The following KIF13A variants were observed in gnomAD, a reference collection of about 807,000 sequenced individuals.
The protein encoded by KIF13A is kinesin family member 13A.
Under a neutral mutation model 212.2 loss-of-function variants are expected in KIF13A, and 79 were observed. The observed-to-expected ratio is 0.37, with a 90% CI of 0.31 to 0.45. The LOEUF is 0.45. Among genes scored for constraint, KIF13A ranks in the 20% least tolerant of loss-of-function variants. The probability of loss-of-function intolerance (pLI) is 1.00; values close to 1 mark genes in which losing one functional copy is unlikely to be tolerated. For synonymous variants in KIF13A, 789 were observed against 808.6 expected (o/e 0.98, Z 0.41); for missense variants, 1,901 against 2,209.0 (o/e 0.86, Z 2.79).
chr6:17,950,424 T>C (rs1380621682), intron 2 of KIF13A: 1 of 977,754 alleles, frequency 1.0e-6, no homozygotes, highest in Non-Finnish European at 1.2e-6. Flanking sequence ...GAAAATGATT[T>C]ATTAATGGAT....
chr6:17,839,705 TAAG>T lies in KIF13A; in HGVS notation c.831-2125_831-2123del, dbSNP rs1246464602. ...CCTAATCTAATGAGTGATGTCCTTA[TAAG>T]AAGGTCATATAAAGACACCCAGGGG... On this transcript the variant is annotated intron_variant, in intron 9 of 38. Coordinates refer to ENST00000259711, the MANE Select transcript of KIF13A (RefSeq NM_022113.6). The surrounding 1 kb of genome is among the most constrained non-coding windows in gnomAD (Gnocchi z 4.3). 1.3e-5 allele frequency among the ~76,000 whole-genome samples: 2 copies of T among 152,044 alleles called. No individual in the cohort carries two copies. Among genetic ancestry groups the T allele is most frequent in the East Asian group, 1.9e-4 (1 of 5,178 alleles).
chr6:17,764,566 T>C lies in KIF13A; in HGVS notation c.4962A>G (p.Glu1654=). ...FRPSSNKELT[E]VEKGLVKDKI... Reference sequence around the variant, plus strand: ...TGTCCTTTACCAAGCCTTTTTCGACTTCTGTCAACTCTTTGTTTGAGGACG... The same window carrying C: ...TGTCCTTTACCAAGCCTTTTTCGACCTCTGTCAACTCTTTGTTTGAGGACG... Residue 1654 remains glutamate (E), a synonymous_variant, in exon 39 of 39, where the codon GAA becomes GAG. Coordinates refer to ENST00000259711, the MANE Select transcript of KIF13A (RefSeq NM_022113.6). The surrounding 1 kb of genome is among the most constrained non-coding windows in gnomAD (Gnocchi z 5.1). The C allele has an allele frequency of 6.2e-7, 1 of 1,613,988 alleles. No individual in the cohort carries two copies. The highest frequency in any genetic ancestry group is 8.5e-7 in the Non-Finnish European group (1 of 1,179,876).
chr6:17,813,492 T>G (rs1358397484), intron 17 of KIF13A, among the ~76,000 whole-genome samples: 1 of 151,992 alleles, frequency 6.6e-6, no homozygotes, highest in African/African-American at 2.4e-5. Flanking sequence ...AAACTCCATC[T>G]CAGAAAAAAG....
At chr6:17,917,776 T>C (rs1185510919) in intron 2 of KIF13A, among the ~76,000 whole-genome samples, 2 of 152,224 alleles carry the variant, frequency 1.3e-5, no homozygotes, top group Non-Finnish European at 2.9e-5. Flanking sequence ...CTTAAAATCC[T>C]GCAACAATGC....
Position 17,971,914 on chromosome 6 carries a change from TA to T in KIF13A, c.146+15139del, listed in dbSNP as rs1408204178. On this transcript the variant is annotated intron_variant, in intron 2 of 38. Coordinates refer to ENST00000259711, the MANE Select transcript of KIF13A (RefSeq NM_022113.6). The surrounding 1 kb of genome is among the most constrained non-coding windows in gnomAD (Gnocchi z 4.2). Reference sequence around the variant, plus strand: ...TAAATAATAATCTAGCTAGAGAGCTTAAAAAAAATGTCCCTAGGATTACAGT... The same window carrying T: ...TAAATAATAATCTAGCTAGAGAGCTTAAAAAAATGTCCCTAGGATTACAGT... Among the ~76,000 whole-genome samples the T allele has an allele frequency of 6.6e-6, 1 of 151,884 alleles. No homozygotes were observed. The highest frequency in any genetic ancestry group is 2.1e-4 in the South Asian group (1 of 4,822).
At chr6:17,950,785 A>G (rs925727356) in intron 2 of KIF13A, 1 of 979,046 alleles carries the variant, frequency 1.0e-6, no homozygotes, top group African/African-American at 1.8e-5. Context: ...AAAAATCTCT[A>G]ATTACTAAAG....
rs769774239 is a variant in KIF13A at position 17,856,075 on chromosome 6, C to T, written c.268G>A (p.Ala90Thr). The change falls in exon 5 of 39, where the codon GCC becomes ACC. Residue 90 changes from alanine (A) to threonine (T), a missense_variant. Physicochemically the swap from Ala to Thr is moderately conservative, Grantham distance 58 (BLOSUM62 0). Transcript: ENST00000259711. The surrounding 1 kb of genome is among the most constrained non-coding windows in gnomAD (Gnocchi z 4.5). Reference sequence around the variant, plus strand: ...ATACACGCATTATACCCCTGAAAGGCTTTTTCAAGAATTCCTTCCCCAAGG... The same window carrying T: ...ATACACGCATTATACCCCTGAAAGGTTTTTTCAAGAATTCCTTCCCCAAGG... ...KCLGEGILEK[A>T]FQGYNACIFA... is the part of the protein sequence containing the mutation. 6 of 1,613,610 alleles carry T rather than the reference C, an allele frequency of 3.7e-6. No individual in the cohort carries two copies. The highest frequency in any genetic ancestry group is 1.6e-4 in the Middle Eastern group (1 of 6,084).
intron 3 of KIF13A, among the ~76,000 whole-genome samples, chr6:17,884,411 ATACTT>A (rs1771356133): frequency 6.6e-6 from 1 of 152,202 alleles, no homozygotes; most frequent in Non-Finnish European, 1.5e-5. Flanking sequence ...ACCAACCTAA[ATACTT>A]TATATTCTCA....
intron 12 of KIF13A, 63 bp downstream of exon 12, chr6:17,833,898 T>C (rs1360361234): frequency 1.2e-5 from 7 of 588,004 alleles, no homozygotes; most frequent in Non-Finnish European, 1.9e-5. Context: ...GACAGCAAAC[T>C]ACACAGAAAA....
chr6:17,936,918 C>T (rs1413035356), intron 2 of KIF13A, among the ~76,000 whole-genome samples: 4 of 152,170 alleles, frequency 2.6e-5, no homozygotes, highest in Admixed American at 1.3e-4. Context: ...TGGCTCACAC[C>T]TATAATCCCA....
rs758205572 is a variant in KIF13A at position 17,804,453 on chromosome 6, T to C, written c.2362A>G (p.Asn788Asp). The part of the protein sequence containing the change: ...DPFYEAQENH[N>D]LIGVANVFLE... ...AATACATTCGCCACCCCGATGAGGTTGTGATTTTCTTGGGCTTCATAGAAA... is the reference window on the plus strand; with the variant it reads ...AATACATTCGCCACCCCGATGAGGTCGTGATTTTCTTGGGCTTCATAGAAA... The change falls in exon 20 of 39, where the codon AAC (asparagine) becomes GAC (aspartate). Residue 788 changes from asparagine (N) to aspartate (D), a missense_variant. This residue lies in a region of KIF13A where 534 missense variants were observed against 536.9 expected (regional missense o/e 0.99). Transcript: ENST00000259711. 10 of 1,588,304 alleles carry C rather than the reference T, an allele frequency of 6.3e-6. No individual in the cohort carries two copies. Among genetic ancestry groups the C allele is most frequent in the Non-Finnish European group, 7.7e-6 (9 of 1,166,626 alleles).
At chr6:17,985,661 G>A (rs1028133208) in intron 2 of KIF13A, among the ~76,000 whole-genome samples, 6 of 143,196 alleles carry the variant, frequency 4.2e-5, no homozygotes, top group African/African-American at 1.6e-4. Flanking sequence ...GACATTCGTT[G>A]GTGATATGGG....
At chr6:17,928,805 A>G (rs1775714454) in intron 2 of KIF13A, among the ~76,000 whole-genome samples, 1 of 152,156 alleles carries the variant, frequency 6.6e-6, no homozygotes, top group African/African-American at 2.4e-5. Flanking sequence ...CACATAATAG[A>G]GGTCACATAA....
downstream of KIF13A, chr6:17,760,534 G>A (rs993300998): frequency 2.2e-5 from 8 of 356,106 alleles, no homozygotes; most frequent in Admixed American, 3.4e-4. Flanking sequence ...AAGTCTGTTG[G>A]AATCTGTAGA....
rs1487506660 is a variant in KIF13A at position 17,947,244 on chromosome 6, G to T, written c.146+39810C>A. On this transcript the variant is annotated intron_variant, in intron 2 of 38. Transcript: ENST00000259711. This position sits in a 1 kb window ranked among gnomAD's most constrained non-coding sequence, Gnocchi z 4.6. ...AATAAGTGATATAAGAGACAAAAAAGTACAAGTTGGGTGGTGATACAAGGT... is the reference window on the plus strand; with the variant it reads ...AATAAGTGATATAAGAGACAAAAAATTACAAGTTGGGTGGTGATACAAGGT... Among the ~76,000 whole-genome samples the T allele has an allele frequency of 2.6e-5, 4 of 152,098 alleles. No homozygotes were observed. Among genetic ancestry groups the T allele is most frequent in the Non-Finnish European group, 5.9e-5 (4 of 68,002 alleles).
Position 17,816,198 on chromosome 6 carries a change from C to T in KIF13A, c.2000+822G>A, listed in dbSNP as rs551053504. Among the ~76,000 whole-genome samples, 9 of 151,482 alleles carry T rather than the reference C, an allele frequency of 5.9e-5. No individual in the cohort carries two copies. The highest frequency in any genetic ancestry group is 2.2e-4 in the African/African-American group (9 of 41,260). ...CTCCCAAAGTGCTGGGATTACAGGCCTGAGCCACCGCACCTGGCCTGAGTC... is the reference window on the plus strand; with the variant it reads ...CTCCCAAAGTGCTGGGATTACAGGCTTGAGCCACCGCACCTGGCCTGAGTC... On this transcript the variant is annotated intron_variant, in intron 17 of 38. Transcript: ENST00000259711. This position sits in a 1 kb window ranked among gnomAD's most constrained non-coding sequence, Gnocchi z 4.3.
chr6:17,802,016 T>C (rs905208229), intron 20 of KIF13A, among the ~76,000 whole-genome samples: 1 of 152,220 alleles, frequency 6.6e-6, no homozygotes, highest in African/African-American at 2.4e-5. Context: ...TTGTCTTAAT[T>C]ATATTTCATA....
chr6:17,862,289 C>T (rs1041827861), intron 4 of KIF13A, among the ~76,000 whole-genome samples: 1 of 152,118 alleles, frequency 6.6e-6, no homozygotes, highest in Non-Finnish European at 1.5e-5. Context: ...AAGTGGGCTA[C>T]TGGGATGGTT....
intron 3 of KIF13A, among the ~76,000 whole-genome samples, chr6:17,889,165 G>A (rs1771813649): frequency 6.6e-6 from 1 of 152,188 alleles, no homozygotes; most frequent in South Asian, 2.1e-4. Context: ...GGCATAAGCT[G>A]TACCTAATAA....
Sources: allele counts gnomAD v4.1 joint callset (sites outside exome capture counted in the v4.1 genomes callset), GRCh38; gene constraint gnomAD v4.1.1; regional missense constraint gnomAD v4.1.1; non-coding constraint Gnocchi (gnomAD v3.1); transcripts MANE v1.5; gene names NCBI Gene and HGNC (gene_info 2026-07-23, HGNC 2026-07-21).